The following CERS6 variants were observed in gnomAD, a reference collection of about 807,000 sequenced individuals.
CERS6 encodes ceramide synthase 6.
A neutral mutation model predicts 56.8 loss-of-function variants in CERS6; 26 were observed. The observed-to-expected ratio is 0.46, with a 90% CI of 0.34 to 0.63. The LOEUF (loss-of-function observed/expected upper bound fraction) is 0.63, where lower values mean the gene tolerates loss of function less well. CERS6 is among the 30% of genes least tolerant of loss of function. The pLI is 0.01. For synonymous variants in CERS6, 164 were observed against 173.3 expected (o/e 0.95, Z 0.42); for missense variants, 415 against 467.5 (o/e 0.89, Z 1.04).
At chr2:168,701,553 C>A (rs1207123494) in intron 6 of CERS6, among the ~76,000 whole-genome samples, 3 of 152,042 alleles carry the variant, frequency 2.0e-5, no homozygotes, top group Non-Finnish European at 4.4e-5. Context: ...CACATTCTTG[C>A]AGAAAGAAAA....
At chr2:168,760,212 C>G (rs1684532622) in intron 8 of CERS6, among the ~76,000 whole-genome samples, 1 of 152,108 alleles carries the variant, frequency 6.6e-6, no homozygotes, top group South Asian at 2.1e-4. Context: ...TACACGATCA[C>G]AAGGTCCCAC....
chr2:168,591,924 ATACCAAAT>A (rs1683680495), intron 3 of CERS6, among the ~76,000 whole-genome samples: 1 of 152,174 alleles, frequency 6.6e-6, no homozygotes, highest in Non-Finnish European at 1.5e-5. Flanking sequence ...CAATGCTGGG[ATACCAAAT>A]AGATCAGAGC....
intron 8 of CERS6, among the ~76,000 whole-genome samples, chr2:168,743,616 A>G (rs897628133): frequency 6.6e-6 from 1 of 152,242 alleles, no homozygotes; most frequent in African/African-American, 2.4e-5. Context: ...AACCTTCTCT[A>G]GTGTTTTAAA....
chr2:168,597,082 A>G (rs193134420), intron 3 of CERS6, among the ~76,000 whole-genome samples: 4 of 152,186 alleles, frequency 2.6e-5, no homozygotes, highest in Admixed American at 6.5e-5. Context: ...TCACACTGCT[A>G]TGAGTTTAGC....
intron 4 of CERS6, among the ~76,000 whole-genome samples, chr2:168,654,122 G>A (rs1419461578): frequency 2.0e-5 from 3 of 152,166 alleles, no homozygotes; most frequent in Non-Finnish European, 4.4e-5. Context: ...AGTTGATATA[G>A]TAATATCCTA....
At chr2:168,607,657 G>A (rs1684084889) in intron 3 of CERS6, among the ~76,000 whole-genome samples, 1 of 152,210 alleles carries the variant, frequency 6.6e-6, no homozygotes, top group South Asian at 2.1e-4. Context: ...TGGGATTACA[G>A]GCGTGAGCCA....
chr2:168,674,510 G>A lies in CERS6; in HGVS notation c.466-16524G>A, dbSNP rs78140242. ...GGAGGGTGTACATTAATTGGGTATC[G>A]GATACTATTGATGTGACATTGCACA... On this transcript the variant is annotated intron_variant, in intron 4 of 9. Coordinates refer to ENST00000305747, the MANE Select transcript of CERS6 (RefSeq NM_203463.3). Among the ~76,000 whole-genome samples, 2,503 of 152,210 alleles carry A rather than the reference G, an allele frequency of 0.016. 136 individuals carry two copies. The East Asian group carries it at 0.2, about 12-fold the overall frequency.
intron 3 of CERS6, among the ~76,000 whole-genome samples, chr2:168,566,155 G>T (rs1695879568): frequency 6.6e-6 from 1 of 152,168 alleles, no homozygotes; most frequent in Admixed American, 6.6e-5. Context: ...TCATAGCACA[G>T]GTCTGGGAGG....
intron 3 of CERS6, among the ~76,000 whole-genome samples, chr2:168,571,617 A>T (rs1320917093): frequency 6.6e-6 from 1 of 152,106 alleles, no homozygotes; most frequent in African/African-American, 2.4e-5. Context: ...CCTCCACATG[A>T]TAGGAAACTT....
At chr2:168,760,724 T>A (rs962659048) in intron 8 of CERS6, among the ~76,000 whole-genome samples, 8 of 151,648 alleles carry the variant, frequency 5.3e-5, no homozygotes, top group Non-Finnish European at 1.2e-4. Flanking sequence ...GGCTCTTTCC[T>A]GGGTTTACTG....
At chr2:168,570,585 A>G (rs1037717624) in intron 3 of CERS6, among the ~76,000 whole-genome samples, 1 of 152,088 alleles carries the variant, frequency 6.6e-6, no homozygotes, top group Non-Finnish European at 1.5e-5. Flanking sequence ...CAGCCTTAGG[A>G]GGTCAGCGTG....
chr2:168,472,754 A>G (rs1233132786), intron 1 of CERS6, among the ~76,000 whole-genome samples: 3 of 152,188 alleles, frequency 2.0e-5, no homozygotes, highest in Non-Finnish European at 2.9e-5. Flanking sequence ...TTTTCTTTTT[A>G]AAAGATAAAC....
chr2:168,469,027 A>G (rs1693932230), intron 1 of CERS6, among the ~76,000 whole-genome samples: 1 of 152,224 alleles, frequency 6.6e-6, no homozygotes, highest in South Asian at 2.1e-4. Flanking sequence ...AGCCTAGTGG[A>G]TTATCTTAAT....
chr2:168,567,786 G>T (rs1413491614), intron 3 of CERS6, among the ~76,000 whole-genome samples: 3 of 152,230 alleles, frequency 2.0e-5, no homozygotes, highest in Admixed American at 1.3e-4. Flanking sequence ...TGTAATTGGT[G>T]TGCCTGTCTC....
intron 4 of CERS6, among the ~76,000 whole-genome samples, chr2:168,667,642 C>T (rs1242485992): frequency 6.6e-6 from 1 of 152,126 alleles, no homozygotes; most frequent in Non-Finnish European, 1.5e-5. Context: ...TCACCCAGCC[C>T]TGACAACTCG....
rs565677837 is a variant in CERS6 at position 168,616,853 on chromosome 2, A to G, written c.408-14132A>G. On this transcript the variant is annotated intron_variant, in intron 3 of 9. Transcript: ENST00000305747. ...AAGACAGAAAGTCAACAAAGAAACAATGTATTTTTACTATACCCTGGAACA... is the reference window on the plus strand; with the variant it reads ...AAGACAGAAAGTCAACAAAGAAACAGTGTATTTTTACTATACCCTGGAACA... 4.6e-5 allele frequency among the ~76,000 whole-genome samples: 7 copies of G among 152,302 alleles called. No homozygotes were observed. The South Asian group carries it at 1.2e-3, about 27-fold the overall frequency.
Position 168,771,722 on chromosome 2 carries a change from C to T in CERS6, c.*2060C>T, listed in dbSNP as rs1684864013. ...ATGGCTAAAATTAACTTTAGAGATCCATGTGTTCAGGTTTAGATCATATGA... is the reference window on the plus strand; with the variant it reads ...ATGGCTAAAATTAACTTTAGAGATCTATGTGTTCAGGTTTAGATCATATGA... On this transcript the variant is annotated 3_prime_UTR_variant, in exon 10 of 10. Coordinates refer to ENST00000305747, the MANE Select transcript of CERS6 (RefSeq NM_203463.3). 6.6e-6 allele frequency: 1 copy of T among 152,086 alleles called. No individual in the cohort carries two copies. The highest frequency in any genetic ancestry group is 1.5e-5 in the Non-Finnish European group (1 of 68,022). The allele number at this position is 152,086 out of a possible 1,614,324, so 9.4% of individuals were successfully genotyped here. A position where few individuals can be genotyped will look rare whatever the true frequency, so the allele number is the denominator to read the frequency against.
At chr2:168,467,015 T>A (rs1693892985) in intron 1 of CERS6, among the ~76,000 whole-genome samples, 1 of 152,224 alleles carries the variant, frequency 6.6e-6, no homozygotes, top group Admixed American at 6.5e-5. Flanking sequence ...ATTAAGATTG[T>A]ATTTTCTTTC....
At chr2:168,646,090 CTTTTAGCTGTTTGAGGAA>C (rs1465097269) in intron 4 of CERS6, among the ~76,000 whole-genome samples, 1 of 152,134 alleles carries the variant, frequency 6.6e-6, no homozygotes, top group Non-Finnish European at 1.5e-5. Flanking sequence ...GGTAGTTCTG[CTTTTAGCTGTTTGAGGAA>C]TTGCCATACT....
Sources: gnomAD v4.1 joint callset for allele counts (sites outside exome capture counted in the v4.1 genomes callset) on GRCh38, gnomAD v4.1.1 for gene constraint, MANE v1.5 for transcripts, NCBI Gene and HGNC (gene_info 2026-07-23, HGNC 2026-07-21) for gene names.